PRPF18: variants seen among roughly 807,000 people sequenced by gnomAD.
PRPF18 encodes the protein pre-mRNA-splicing factor 18.
PRPF18 carries 38 observed loss-of-function variants against 46.5 expected under a neutral mutation model. The observed-to-expected ratio is 0.82, with a 90% CI of 0.63 to 1.07. The LOEUF is 1.07. Among genes scored for constraint, PRPF18 ranks in the 50% least tolerant of loss-of-function variants. The pLI, the probability that PRPF18 is intolerant of heterozygous loss-of-function variation, is 0.00. For missense variants in PRPF18, 263 were observed against 410.0 expected (o/e 0.64, Z 3.10); for synonymous variants, 152 against 146.7 (o/e 1.04, Z -0.26).
intron 1 of PRPF18, chr10:13,591,440 G>T: frequency 9.4e-6 from 5 of 533,354 alleles, no homozygotes; most frequent in South Asian, 5.3e-5. Context: ...TATTTAATTA[G>T]GTTCTTCTTA....
At chr10:13,652,648 C>A in the PRPF18 span, among the ~76,000 whole-genome samples, 1 of 152,210 alleles carries the variant, frequency 6.6e-6, no homozygotes, top group African/African-American at 2.4e-5. Context: ...GTCCAACAGA[C>A]AGCCCAAGAA....
chr10:13,610,413 T>C (rs11258469), intron 5 of PRPF18, among the ~76,000 whole-genome samples: 53,703 of 152,098 alleles, frequency 0.35, 10,652 homozygotes, highest in East Asian at 0.84. Context: ...GATATGCATC[T>C]TTCTGTTTGT....
At chr10:13,597,267 G>T (rs923582158) in intron 1 of PRPF18, among the ~76,000 whole-genome samples, 191 bp from the exon 2 acceptor site, 1 of 152,162 alleles carries the variant, frequency 6.6e-6, no homozygotes, top group Admixed American at 6.5e-5. Flanking sequence ...GGTGCCCATA[G>T]TCGTAGTGGA....
intron 3 of PRPF18, among the ~76,000 whole-genome samples, chr10:13,604,578 A>G (rs1284672092): frequency 6.6e-6 from 1 of 152,220 alleles, no homozygotes; most frequent in Non-Finnish European, 1.5e-5. Flanking sequence ...CAGACTGTCC[A>G]TTATGGTAAT....
downstream of PRPF18, among the ~76,000 whole-genome samples, chr10:13,633,023 C>T (rs1589142372): frequency 2.0e-5 from 3 of 152,262 alleles, no homozygotes; most frequent in East Asian, 5.8e-4. Context: ...AGTGTCATTG[C>T]CAACTGCAAA....
At chr10:13,597,645 C>G (rs996558242) in intron 2 of PRPF18, 110 bp downstream of exon 2, 3 of 1,603,920 alleles carry the variant, frequency 1.9e-6, no homozygotes, top group Non-Finnish European at 2.6e-6. Flanking sequence ...TATACGTTAG[C>G]CTATAAATGA....
At chr10:13,603,656 G>T (rs753516337) in intron 3 of PRPF18, among the ~76,000 whole-genome samples, 1 of 152,016 alleles carries the variant, frequency 6.6e-6, no homozygotes, top group Non-Finnish European at 1.5e-5. Flanking sequence ...CTTCCTGTTC[G>T]ACCTCTGTAG....
chr10:13,654,310 G>A, the PRPF18 span: 1 of 811,792 alleles, frequency 1.2e-6, no homozygotes. Flanking sequence ...TCCCAGTGAT[G>A]AACCCTCATC....
At chr10:13,640,512 C>T in the PRPF18 span, 84,669 of 152,000 alleles carry the variant, frequency 0.56, 24,013 homozygotes, top group East Asian at 0.79. Context: ...GGGATAGCTG[C>T]GAGATTAGGG....
chr10:13,600,709 A>G (rs923656668), intron 3 of PRPF18, among the ~76,000 whole-genome samples: 1 of 152,172 alleles, frequency 6.6e-6, no homozygotes, highest in Admixed American at 6.5e-5. Flanking sequence ...AGATTAAAAT[A>G]TGGAGATCTA....
chr10:13,613,909 T>G, intron 7 of PRPF18, 28 bp downstream of exon 7: 2 of 1,594,950 alleles, frequency 1.3e-6, no homozygotes, highest in Non-Finnish European at 8.5e-7. Context: ...ATACTTTTTT[T>G]AACTGACTTT....
chr10:13,615,985 A>AAAAACTACTTAGC (rs1356176185), intron 8 of PRPF18, among the ~76,000 whole-genome samples: 1 of 152,174 alleles, frequency 6.6e-6, no homozygotes, highest in Non-Finnish European at 1.5e-5. Context: ...TTGGACGATG[A>AAAAACTACTTAGC]AAAACTACTT....
intron 9 of PRPF18, among the ~76,000 whole-genome samples, chr10:13,625,516 A>G (rs1457438054): frequency 6.6e-6 from 1 of 152,238 alleles, no homozygotes. Context: ...GAGTCAATCT[A>G]TAACGTTTAT....
At chr10:13,625,070 A>G (rs913274136) in intron 9 of PRPF18, among the ~76,000 whole-genome samples, 1 of 152,248 alleles carries the variant, frequency 6.6e-6, no homozygotes, top group Non-Finnish European at 1.5e-5. Context: ...GTGGTGGCTC[A>G]TGCCTGTAAT....
intron 1 of PRPF18, among the ~76,000 whole-genome samples, chr10:13,596,364 C>A (rs1366655079): frequency 6.6e-6 from 1 of 152,166 alleles, no homozygotes; most frequent in Admixed American, 6.5e-5. Context: ...TGATGTCAAG[C>A]TTGATCATTG....
chr10:13,620,965 A>G (rs2133911120), intron 9 of PRPF18, among the ~76,000 whole-genome samples: 1 of 152,354 alleles, frequency 6.6e-6, no homozygotes, highest in African/African-American at 2.4e-5. Context: ...AATTGGTGGT[A>G]GTAGCTTTAA....
chr10:13,588,312 C>T (rs540593161), intron 1 of PRPF18, among the ~76,000 whole-genome samples: 1 of 152,094 alleles, frequency 6.6e-6, no homozygotes, highest in African/African-American at 2.4e-5. Flanking sequence ...GAGGCTGAGG[C>T]CAGAGAATCA....
Position 13,630,392 on chromosome 10 carries a change from T to C in PRPF18, c.*52T>C. The C allele has an allele frequency of 1.4e-6, 2 of 1,423,580 alleles. No homozygotes were observed. Among genetic ancestry groups the C allele is most frequent in the Non-Finnish European group, 2.0e-6 (2 of 1,017,404 alleles). The allele number at this position is 1,423,580 out of a possible 1,614,324, so 88.2% of individuals were successfully genotyped here. ...ATAAGAAACTTAGGGAAGCAGGCTGTGGACTTCTGGAATTACCAACAGGAA... is the reference window on the plus strand; with the variant it reads ...ATAAGAAACTTAGGGAAGCAGGCTGCGGACTTCTGGAATTACCAACAGGAA... On this transcript the variant is annotated 3_prime_UTR_variant, in exon 10 of 10. Coordinates refer to ENST00000378572, the MANE Select transcript of PRPF18 (RefSeq NM_003675.4).
At chr10:13,654,320 C>T in the PRPF18 span, 1 of 851,708 alleles carries the variant, frequency 1.2e-6, no homozygotes, top group East Asian at 2.4e-5. Flanking sequence ...GAACCCTCAT[C>T]ATCCATTTAC....
Sources: allele counts gnomAD v4.1 joint callset (sites outside exome capture counted in the v4.1 genomes callset), GRCh38; gene constraint gnomAD v4.1.1; transcripts MANE v1.5; gene names NCBI Gene and HGNC (gene_info 2026-07-23, HGNC 2026-07-21).